COL6A5: variants seen among roughly 807,000 people sequenced by gnomAD.
COL6A5 encodes the protein collagen type VI alpha 5 chain.
A neutral mutation model predicts 65.6 loss-of-function variants in COL6A5; 48 were observed. The observed-to-expected ratio is 0.73, with a 90% CI of 0.58 to 0.93. The LOEUF is 0.93. Among genes scored for constraint, COL6A5 ranks in the 40% least tolerant of loss-of-function variants. The probability of loss-of-function intolerance (pLI) is 0.00; values close to 1 mark genes in which losing one functional copy is unlikely to be tolerated. For synonymous variants in COL6A5, 291 were observed against 322.8 expected, an observed-to-expected ratio of 0.90 and a Z score of 1.05; for missense variants, 914 against 928.3, an observed-to-expected ratio of 0.98 and a Z score of 0.20.
chr3:130,381,829 G>A (rs1936006230), intron 4 of COL6A5, among the ~76,000 whole-genome samples: 1 of 152,058 alleles, frequency 6.6e-6, no homozygotes, highest in South Asian at 2.1e-4. Context: ...GGAGGGATAT[G>A]TGGCATAGTC....
chr3:130,377,500 T>C (rs763935964), intron 3 of COL6A5, among the ~76,000 whole-genome samples: 7 of 152,242 alleles, frequency 4.6e-5, no homozygotes, highest in Non-Finnish European at 4.4e-5. Context: ...ACACTATTAG[T>C]ACATGTTCAT....
chr3:130,419,394 G>A (rs946009863), intron 25 of COL6A5, among the ~76,000 whole-genome samples: 5 of 152,052 alleles, frequency 3.3e-5, no homozygotes, highest in Non-Finnish European at 5.9e-5. Context: ...GCCAGTATAG[G>A]AACAATTATT....
At chr3:130,396,558 G>C (rs1317456818) in intron 8 of COL6A5, among the ~76,000 whole-genome samples, 3 of 152,222 alleles carry the variant, frequency 2.0e-5, no homozygotes, top group Non-Finnish European at 4.4e-5. Context: ...ATCCAGCGTT[G>C]ATGAGTTGCT....
Position 130,394,117 on chromosome 3 carries a change from G to T in COL6A5, c.2993-773G>T, listed in dbSNP as rs78171854. Among the ~76,000 whole-genome samples, 96 of 152,266 alleles carry T rather than the reference G, an allele frequency of 6.3e-4. 1 individual carries two copies. In the East Asian group the frequency reaches 0.018, roughly 29 times the overall value. ...GTTTGGTTGGAAATGAGTATAGAAA[G>T]TCACCCTTTGATTTTGGGACATTTC... On this transcript the variant is annotated intron_variant and NMD_transcript_variant, in intron 7 of 41. Transcript: ENST00000312481.
At chr3:130,455,160 A>AC (rs1309356185) in intron 4 of COL6A5, among the ~76,000 whole-genome samples, 6 of 151,788 alleles carry the variant, frequency 4.0e-5, no homozygotes, top group African/African-American at 1.5e-4. Context: ...CAAAAAAAAA[A>AC]AAACAAACAA....
chr3:130,422,790 G>A lies in COL6A5; in HGVS notation c.5100+8G>A, dbSNP rs766726902. ...GGATTTAGGGGACTAGCAGTAAGTA[G>A]CCTATAATTCCAGAAATGATAAATA... On this transcript the variant is annotated splice_region_variant and intron_variant and NMD_transcript_variant, in intron 28 of 41. Coordinates refer to the COL6A5 transcript ENST00000312481. 17 of 1,458,432 alleles carry A rather than the reference G, an allele frequency of 1.2e-5. No homozygotes were observed. In the South Asian group the frequency reaches 1.6e-4, roughly 14 times the overall value. 90.3% of individuals were successfully genotyped at this position (1,458,432 alleles called of 1,614,324 possible).
At chr3:130,375,910 A>T (rs1381361673) in intron 2 of COL6A5, among the ~76,000 whole-genome samples, 3 of 152,134 alleles carry the variant, frequency 2.0e-5, no homozygotes. Context: ...CTATAATTCA[A>T]GATGAGATTT....
chr3:130,346,440 T>C (rs113546833), intron 1 of COL6A5, among the ~76,000 whole-genome samples: 1 of 152,166 alleles, frequency 6.6e-6, no homozygotes, highest in Non-Finnish European at 1.5e-5. Flanking sequence ...GCAATGGGTG[T>C]GTAGGTAATG....
rs756078703 is a variant in COL6A5 at position 130,440,421 on chromosome 3, CAG to C, written c.840_841del (p.Glu281ValfsTer2). ...AGGAGAAAGATGGGTACAGTAAAAACAGAGTTTGATTTCATCACTTATGACAA... is the reference window on the plus strand; with the variant it reads ...AGGAGAAAGATGGGTACAGTAAAAACAGTTTGATTTCATCACTTATGACAA... On this transcript the variant is annotated frameshift_variant, in exon 3 of 8. Transcript: ENST00000512836. LOFTEE classifies it high-confidence loss of function. 9 of 1,613,528 alleles carry C rather than the reference CAG, an allele frequency of 5.6e-6. No individual in the cohort carries two copies. Among genetic ancestry groups the C allele is most frequent in the Middle Eastern group, 1.6e-4 (1 of 6,082 alleles).
chr3:130,471,701 G>T, intron 7 of COL6A5: 1 of 1,534,674 alleles, frequency 6.5e-7, no homozygotes, highest in Non-Finnish European at 8.7e-7. Context: ...TGGGATATAT[G>T]AAATAAAGAC....
chr3:130,350,120 G>A (rs1185163095), intron 1 of COL6A5, among the ~76,000 whole-genome samples: 1 of 152,164 alleles, frequency 6.6e-6, no homozygotes, highest in African/African-American at 2.4e-5. Flanking sequence ...TCATAGCTGA[G>A]TACATTGCCT....
chr3:130,387,426 A>G (rs913703711), intron 5 of COL6A5, among the ~76,000 whole-genome samples: 6 of 152,090 alleles, frequency 3.9e-5, no homozygotes, highest in Non-Finnish European at 8.8e-5. Flanking sequence ...GTAGAAGCCT[A>G]TTTCTTTTAT....
intron 4 of COL6A5, among the ~76,000 whole-genome samples, chr3:130,382,836 GA>G (rs903110201): frequency 2.0e-5 from 3 of 152,114 alleles, no homozygotes; most frequent in Non-Finnish European, 4.4e-5. Context: ...CTGATGTATA[GA>G]AAAAGAATGA....
intron 1 of COL6A5, among the ~76,000 whole-genome samples, chr3:130,433,946 T>C (rs1937928181): frequency 1.3e-5 from 2 of 150,792 alleles, no homozygotes; most frequent in African/African-American, 4.9e-5. Flanking sequence ...TGCCTTACCT[T>C]TTTTTTTATT....
intron 25 of COL6A5, 104 bp from the exon 26 acceptor site, chr3:130,421,049 T>C (rs1937508044): frequency 9.7e-7 from 1 of 1,034,834 alleles, no homozygotes; most frequent in Middle Eastern, 3.1e-4. Context: ...CCCTTCTGCA[T>C]GGAAGTCCCT....
At chr3:130,380,025 T>C (rs1396818381) in exon 4 of COL6A5, 42 of 1,531,258 alleles carry the variant, frequency 2.7e-5, no homozygotes, top group Non-Finnish European at 3.3e-5. Context: ...CTACTTATGC[T>C]GAACAAAGGA....
chr3:130,469,752 T>G (rs1288204006), intron 6 of COL6A5, among the ~76,000 whole-genome samples: 1 of 152,100 alleles, frequency 6.6e-6, no homozygotes, highest in Non-Finnish European at 1.5e-5. Context: ...TGTGGCAGGT[T>G]CTTTAAATTG....
intron 12 of COL6A5, among the ~76,000 whole-genome samples, chr3:130,402,463 T>C (rs1436753580): frequency 6.6e-6 from 1 of 152,186 alleles, no homozygotes; most frequent in Non-Finnish European, 1.5e-5. Context: ...GAACTACAGC[T>C]ACACACAACA....
At chr3:130,456,098 G>A (rs570130483) in intron 5 of COL6A5, among the ~76,000 whole-genome samples, 2 of 152,084 alleles carry the variant, frequency 1.3e-5, no homozygotes, top group African/African-American at 2.4e-5. Context: ...GGGTTCAAGC[G>A]ATTCTCTTTA....
Sources: allele counts gnomAD v4.1 joint callset (sites outside exome capture counted in the v4.1 genomes callset), GRCh38; gene constraint gnomAD v4.1.1; transcripts MANE v1.5; gene names NCBI Gene and HGNC (gene_info 2026-07-23, HGNC 2026-07-21).